The following MAML2 variants were observed in gnomAD, a reference collection of about 807,000 sequenced individuals.
MAML2 encodes the protein mastermind like transcriptional coactivator 2.
A neutral mutation model predicts 96.1 loss-of-function variants in MAML2; 22 were observed. The ratio of observed to expected loss-of-function variants is 0.23; its 90% CI spans 0.16 to 0.33. MAML2 has a LOEUF of 0.33. MAML2 is among the 10% of genes least tolerant of loss of function. MAML2 has a pLI of 1.00. For missense variants in MAML2, 1,367 were observed against 1,392.4 expected (o/e 0.98, Z 0.29); for synonymous variants, 561 against 521.3 (o/e 1.08, Z -1.04).
intron 1 of MAML2, among the ~76,000 whole-genome samples, chr11:96,108,997 C>T (rs149334591): frequency 6.7e-6 from 1 of 150,186 alleles, no homozygotes; most frequent in Non-Finnish European, 1.5e-5. Flanking sequence ...TGCACAACAG[C>T]CTGGGCAACA....
intron 2 of MAML2, among the ~76,000 whole-genome samples, chr11:96,068,438 T>TCACACACACACACACACA (rs10522513): frequency 0.037 from 4,416 of 120,276 alleles, 184 homozygotes; most frequent in Middle Eastern, 0.073. Context: ...GGAGCTTACT[T>TCACACACACACACACACA]CACACACACA....
At chr11:96,028,280 C>G (rs1219742100) in intron 2 of MAML2, among the ~76,000 whole-genome samples, 1 of 152,174 alleles carries the variant, frequency 6.6e-6, no homozygotes, top group South Asian at 2.1e-4. Flanking sequence ...ATGTGCTGTT[C>G]TCTCTGCCCC....
intron 2 of MAML2, among the ~76,000 whole-genome samples, chr11:96,001,190 T>C (rs1185931688): frequency 2.0e-5 from 3 of 152,332 alleles, no homozygotes; most frequent in African/African-American, 4.8e-5. Flanking sequence ...ACGCTGTGTC[T>C]ATTCTCAGCC....
At chr11:96,044,611 C>T (rs1858867194) in intron 2 of MAML2, among the ~76,000 whole-genome samples, 1 of 152,046 alleles carries the variant, frequency 6.6e-6, no homozygotes, top group African/African-American at 2.4e-5. Context: ...AGGCCATGAT[C>T]AGCTAACATC....
chr11:96,318,070 G>C (rs1863654516), intron 1 of MAML2, among the ~76,000 whole-genome samples: 1 of 152,188 alleles, frequency 6.6e-6, no homozygotes, highest in South Asian at 2.1e-4. Context: ...TGGATATTTT[G>C]GGTTGAACTA....
At chr11:96,333,269 C>T (rs917034121) in intron 1 of MAML2, among the ~76,000 whole-genome samples, 4 of 151,710 alleles carry the variant, frequency 2.6e-5, no homozygotes, top group Admixed American at 2.6e-4. Context: ...CAAAACAACC[C>T]AACTATGTTT....
intron 1 of MAML2, among the ~76,000 whole-genome samples, chr11:96,273,231 C>G (rs1007573266): frequency 6.6e-6 from 1 of 152,204 alleles, no homozygotes; most frequent in African/African-American, 2.4e-5. Context: ...GTTTATAAAT[C>G]AAGGCAATAA....
chr11:96,089,521 T>A (rs1268127658), intron 2 of MAML2, among the ~76,000 whole-genome samples: 1 of 152,194 alleles, frequency 6.6e-6, no homozygotes, highest in Non-Finnish European at 1.5e-5. Flanking sequence ...GGTAATAATC[T>A]ACCAAATGTG....
At chr11:96,067,708 T>C (rs1037161063) in intron 2 of MAML2, among the ~76,000 whole-genome samples, 6 of 152,212 alleles carry the variant, frequency 3.9e-5, no homozygotes, top group Non-Finnish European at 7.3e-5. Context: ...TATTTGAATA[T>C]GATATTTCAC....
At chr11:96,037,781 T>C (rs1364370084) in intron 2 of MAML2, among the ~76,000 whole-genome samples, 1 of 152,188 alleles carries the variant, frequency 6.6e-6, no homozygotes, top group Non-Finnish European at 1.5e-5. Context: ...CGCTGGGCAT[T>C]CTAAGCTTTG....
intron 1 of MAML2, among the ~76,000 whole-genome samples, chr11:96,331,643 C>CA (rs557874088): frequency 0.36 from 52,815 of 145,158 alleles, 9,413 homozygotes; most frequent in Non-Finnish European, 0.4. Context: ...ACTAAAAATA[C>CA]AAAAAAAAAA....
intron 1 of MAML2, among the ~76,000 whole-genome samples, chr11:96,111,430 T>C (rs1378689264): frequency 2.6e-5 from 4 of 152,198 alleles, no homozygotes; most frequent in Admixed American, 2.0e-4. Context: ...TGCATGTGTG[T>C]CTGTGTGAGT....
intron 1 of MAML2, among the ~76,000 whole-genome samples, chr11:96,169,329 C>T (rs901085575): frequency 6.6e-6 from 1 of 152,240 alleles, no homozygotes; most frequent in Non-Finnish European, 1.5e-5. Flanking sequence ...AAAAAGCACA[C>T]CTGAAACAAA....
At chr11:96,197,702 T>A (rs1164529405) in intron 1 of MAML2, among the ~76,000 whole-genome samples, 2 of 152,178 alleles carry the variant, frequency 1.3e-5, no homozygotes, top group African/African-American at 4.8e-5. Context: ...CCCTACCTAC[T>A]GGGAGCTTAC....
intron 1 of MAML2, among the ~76,000 whole-genome samples, chr11:96,287,132 T>C (rs1263758231): frequency 6.6e-6 from 1 of 152,244 alleles, no homozygotes; most frequent in Non-Finnish European, 1.5e-5. Context: ...TGAAGAATAT[T>C]GTCATCAGAT....
chr11:96,221,689 CT>C (rs71040137), intron 1 of MAML2, among the ~76,000 whole-genome samples: 43,598 of 105,780 alleles, frequency 0.41, 6,732 homozygotes, highest in Admixed American at 0.46. Flanking sequence ...TTCAGTCAAG[CT>C]TTTTTTTTTT....
chr11:96,257,287 C>T (rs891310383), intron 1 of MAML2, among the ~76,000 whole-genome samples: 1 of 152,186 alleles, frequency 6.6e-6, no homozygotes, highest in African/African-American at 2.4e-5. Flanking sequence ...ACTATTGGAA[C>T]ACTCTCTTGT....
chr11:96,026,811 G>T (rs1590968749), intron 2 of MAML2, among the ~76,000 whole-genome samples: 1 of 111,840 alleles, frequency 8.9e-6, no homozygotes, highest in Admixed American at 9.7e-5. Flanking sequence ...TCCCAGCATT[G>T]CTATGGGGTT....
intron 1 of MAML2, among the ~76,000 whole-genome samples, chr11:96,156,339 T>C (rs930829946): frequency 2.6e-5 from 4 of 152,202 alleles, no homozygotes; most frequent in African/African-American, 9.7e-5. Context: ...GGACTTTCCA[T>C]GGTTTCGCTG....
Sources: allele counts gnomAD v4.1 joint callset (sites outside exome capture counted in the v4.1 genomes callset), GRCh38; gene constraint gnomAD v4.1.1; transcripts MANE v1.5; gene names NCBI Gene and HGNC (gene_info 2026-07-23, HGNC 2026-07-21).